The following INTS15 variants were observed in gnomAD, a reference collection of about 807,000 sequenced individuals.
The protein encoded by INTS15 is integrator complex subunit 15, also known as uncharacterized protein C7orf26.
the INTS15 span, chr7:6,608,511 T>C: frequency 1.7e-6 from 2 of 1,163,718 alleles, no homozygotes; most frequent in Admixed American, 4.6e-5. Flanking sequence ...TCTGGCCTCT[T>C]TCCTCGTGAA....
the INTS15 span, among the ~76,000 whole-genome samples, chr7:6,601,248 C>A: frequency 2.6e-5 from 4 of 151,670 alleles, no homozygotes; most frequent in African/African-American, 9.7e-5. Flanking sequence ...CTAGGATTAC[C>A]ACTCTGCCTG....
chr7:6,592,696 C>T, the INTS15 span, among the ~76,000 whole-genome samples: 1 of 151,082 alleles, frequency 6.6e-6, no homozygotes, highest in African/African-American at 2.4e-5. Context: ...ACAGCCTTTG[C>T]CTCCTGGGCT....
the INTS15 span, among the ~76,000 whole-genome samples, chr7:6,591,207 C>T: frequency 5.9e-5 from 9 of 151,568 alleles, no homozygotes; most frequent in Non-Finnish European, 1.0e-4. Flanking sequence ...GCGAAAAGTT[C>T]TACGGGAACT....
the INTS15 span, chr7:6,607,937 G>A: frequency 6.3e-7 from 1 of 1,597,874 alleles, no homozygotes. The surrounding 1 kb of genome is among the most constrained non-coding windows in gnomAD (Gnocchi z 6.0). Context: ...CGCCCGCGCT[G>A]ACGCTTATGC....
chr7:6,594,414 G>T, the INTS15 span: 1 of 1,613,754 alleles, frequency 6.2e-7, no homozygotes, highest in South Asian at 1.1e-5. Context: ...TAGTTAAGTG[G>T]ACTGTGTGGC....
chr7:6,608,075 C>T, the INTS15 span: 1 of 1,578,386 alleles, frequency 6.3e-7, no homozygotes, highest in Non-Finnish European at 8.6e-7. Flanking sequence ...TGTCCCGGCC[C>T]ACCCCGCCGC....
At chr7:6,598,485 A>AAGG in the INTS15 span, among the ~76,000 whole-genome samples, 1 of 148,904 alleles carries the variant, frequency 6.7e-6, no homozygotes, top group Non-Finnish European at 1.5e-5. Flanking sequence ...AAAAAAAAAA[A>AAGG]GGCACACAGG....
At chr7:6,604,676 G>A in the INTS15 span, among the ~76,000 whole-genome samples, 20 of 152,308 alleles carry the variant, frequency 1.3e-4, no homozygotes, top group Admixed American at 2.6e-4. Flanking sequence ...GGCAGCGCTC[G>A]CAGGCTGAGA....
chr7:6,596,196 C>T, the INTS15 span, among the ~76,000 whole-genome samples: 1 of 151,610 alleles, frequency 6.6e-6, no homozygotes, highest in Non-Finnish European at 1.5e-5. Context: ...GCTGGGACTA[C>T]AGGCGCGCAC....
chr7:6,596,434 A>G, the INTS15 span, among the ~76,000 whole-genome samples: 1 of 136,162 alleles, frequency 7.3e-6, no homozygotes, highest in Non-Finnish European at 1.5e-5. Flanking sequence ...GCTGGAGTGC[A>G]GTGGCATGAT....
the INTS15 span, chr7:6,600,174 A>G: frequency 6.2e-7 from 1 of 1,614,164 alleles, no homozygotes; most frequent in Non-Finnish European, 8.5e-7. Flanking sequence ...ACCGAGAAGA[A>G]TCTGTATGGG....
At chr7:6,601,326 C>T in the INTS15 span, among the ~76,000 whole-genome samples, 8 of 151,788 alleles carry the variant, frequency 5.3e-5, no homozygotes, top group East Asian at 9.7e-4. Context: ...GGTGGAGTCT[C>T]GCTTCTTTGC....
chr7:6,597,732 G>A, the INTS15 span, among the ~76,000 whole-genome samples: 1 of 152,204 alleles, frequency 6.6e-6, no homozygotes, highest in Non-Finnish European at 1.5e-5. Flanking sequence ...ATCTGAAACT[G>A]TTTTTCTCTT....
At chr7:6,593,668 A>G in the INTS15 span, among the ~76,000 whole-genome samples, 10 of 95,092 alleles carry the variant, frequency 1.1e-4, no homozygotes, top group African/African-American at 2.2e-4. Flanking sequence ...TTTTTTTTTG[A>G]GACGGTCTTG....
the INTS15 span, among the ~76,000 whole-genome samples, chr7:6,601,837 A>C: frequency 6.7e-6 from 1 of 150,336 alleles, no homozygotes; most frequent in Non-Finnish European, 1.5e-5. Context: ...TTGTATTTTT[A>C]GTAGAGATGG....
the INTS15 span, among the ~76,000 whole-genome samples, chr7:6,605,092 A>G: frequency 6.6e-6 from 1 of 152,062 alleles, no homozygotes; most frequent in African/African-American, 2.4e-5. Context: ...TCCTGGATTC[A>G]AGCGATTCTC....
At chr7:6,602,467 C>T in the INTS15 span, among the ~76,000 whole-genome samples, 1 of 152,130 alleles carries the variant, frequency 6.6e-6, no homozygotes, top group Non-Finnish European at 1.5e-5. Context: ...TGGGAAGTCT[C>T]GCAGAGCCAC....
the INTS15 span, among the ~76,000 whole-genome samples, chr7:6,603,311 A>G: frequency 6.0e-5 from 9 of 149,420 alleles, no homozygotes; most frequent in South Asian, 1.9e-3. Context: ...ACTTTGGGAG[A>G]ACGAGGCAGG....
chr7:6,606,587 C>T, the INTS15 span, among the ~76,000 whole-genome samples: 4 of 151,816 alleles, frequency 2.6e-5, no homozygotes, highest in South Asian at 2.1e-4. Flanking sequence ...AGGAGAGGGG[C>T]GGGCAGAGCC....
Sources: gnomAD v4.1 joint callset for allele counts (sites outside exome capture counted in the v4.1 genomes callset) on GRCh38, gnomAD v4.1.1 for gene constraint, Gnocchi (gnomAD v3.1) non-coding constraint, MANE v1.5 for transcripts, NCBI Gene and HGNC (gene_info 2026-07-23, HGNC 2026-07-21) for gene names.